WFDC2: variants seen among roughly 807,000 people sequenced by gnomAD.
WFDC2 encodes WAP four-disulfide core domain 2, also known as WAP four-disulfide core domain protein 2.
In WFDC2, 8 loss-of-function variants were observed where a neutral mutation model predicts 12.5. That is an observed-to-expected ratio of 0.64 (90% CI 0.37 to 1.15). The LOEUF is 1.15. Ranked by LOEUF, WFDC2 falls within the 50% of genes most tolerant of loss-of-function variation. WFDC2 has a pLI of 0.01. For synonymous variants in WFDC2, 74 were observed against 67.2 expected (o/e 1.10, Z -0.49); for missense variants, 166 against 159.9 (o/e 1.04, Z -0.21).
intron 2 of WFDC2, among the ~76,000 whole-genome samples, chr20:45,471,603 C>T (rs1600846365): frequency 6.6e-6 from 1 of 152,262 alleles, no homozygotes; most frequent in East Asian, 1.9e-4. Flanking sequence ...GGTCATGAGT[C>T]CCCTCCTCTG....
intron 2 of WFDC2, among the ~76,000 whole-genome samples, chr20:45,478,737 TGCCTCA>T (rs2145506602): frequency 6.6e-6 from 1 of 152,244 alleles, no homozygotes; most frequent in South Asian, 2.1e-4. Flanking sequence ...GCGATTCTCC[TGCCTCA>T]GCCTCCCAAG....
At chr20:45,469,883 C>A (rs957265455) in intron 1 of WFDC2, 23 bp downstream of exon 1, 1 of 1,585,940 alleles carries the variant, frequency 6.3e-7, no homozygotes, top group Non-Finnish European at 8.6e-7. Flanking sequence ...GGGAGAGGCC[C>A]GGCGCCTAGA....
At chr20:45,471,852 T>C (rs1394010763) in intron 2 of WFDC2, among the ~76,000 whole-genome samples, 1 of 139,596 alleles carries the variant, frequency 7.2e-6, no homozygotes, top group Non-Finnish European at 1.5e-5. Context: ...TCTAGTTATG[T>C]GATCCTGAGC....
chr20:45,479,286 A>G (rs1991271388), intron 2 of WFDC2, among the ~76,000 whole-genome samples: 1 of 152,232 alleles, frequency 6.6e-6, no homozygotes, highest in Non-Finnish European at 1.5e-5. Flanking sequence ...GTGGCAGCAT[A>G]GTGCTTAACC....
chr20:45,480,011 A>C lies in WFDC2; in HGVS notation c.293A>C (p.Gln98Pro). 6.2e-7 allele frequency: 1 copy of C among 1,614,226 alleles called. No individual in the cohort carries two copies. Among genetic ancestry groups the C allele is most frequent in the African/African-American group, 1.3e-5 (1 of 75,074 alleles). ...PQLGLCRDQCQVDSQCPGQMK... is the reference protein window; with the variant it reads ...PQLGLCRDQCPVDSQCPGQMK... ...CTCGGCCTCTGTCGGGACCAGTGCC[A>C]GGTGGACAGCCAGTGTCCTGGCCAG... is the stretch of plus-strand genomic sequence containing the variant. The change falls in exon 3 of 4, where the codon CAG (glutamine) becomes CCG (proline). Residue 98 changes from glutamine to proline, a missense_variant. Transcript: ENST00000372676.
In WFDC2 at chr20:45,470,407, C is replaced by A; in HGVS notation, c.98C>A (p.Thr33Asn). Residue 33 changes from threonine to asparagine, a missense_variant, in exon 2 of 4, where the codon ACT becomes AAT. Thr to Asn is a moderately conservative substitution (Grantham distance 65). Coordinates refer to ENST00000372676, the MANE Select transcript of WFDC2 (RefSeq NM_006103.4). The surrounding 1 kb of genome is among the most constrained non-coding windows in gnomAD (Gnocchi z 5.4). Reference protein sequence around the residue: ...TLVSGTGAEKTGVCPELQADQ... With the variant: ...TLVSGTGAEKNGVCPELQADQ... ...CTCCCAGGCACAGGAGCAGAGAAGA[C>A]TGGCGTGTGCCCCGAGCTCCAGGCT... 2 of 1,589,780 alleles carry A rather than the reference C, an allele frequency of 1.3e-6. No homozygotes were observed. The highest frequency in any genetic ancestry group is 1.7e-6 in the Non-Finnish European group (2 of 1,167,266).
chr20:45,479,976 C>A lies in WFDC2; in HGVS notation c.258C>A (p.Asn86Lys), dbSNP rs774132603. 6.2e-7 allele frequency: 1 copy of A among 1,614,254 alleles called. No homozygotes were observed. Among genetic ancestry groups the A allele is most frequent in the South Asian group, 1.1e-5 (1 of 91,086 alleles). Residue 86 changes from asparagine to lysine, a missense_variant, in exon 3 of 4, where the codon AAC becomes AAA. By Grantham distance (94) the Asn-to-Lys change is moderately conservative (BLOSUM62 0). Transcript: ENST00000372676. ...KEGSCPQVNI[N>K]FPQLGLCRDQ... is the part of the protein sequence containing the mutation. ...GTTCCTGCCCCCAGGTGAACATTAA[C>A]TTTCCCCAGCTCGGCCTCTGTCGGG...
intron 2 of WFDC2, among the ~76,000 whole-genome samples, chr20:45,471,923 T>C (rs1991177636): frequency 6.6e-6 from 1 of 152,176 alleles, no homozygotes; most frequent in African/African-American, 2.4e-5. Context: ...CTCTATAGGA[T>C]TGGCATGAGG....
rs759119210 is a variant in WFDC2, at chr20:45,470,521, C to G, written c.212C>G (p.Ser71Cys). 4.4e-6 allele frequency: 7 copies of G among 1,597,728 alleles called. No individual in the cohort carries two copies. Among genetic ancestry groups the G allele is most frequent in the East Asian group, 2.2e-5 (1 of 44,490 alleles). Reference protein sequence around the residue: ...CCSAGCATFCSLPNDKEGSCP... With the variant: ...CCSAGCATFCCLPNDKEGSCP... ...AGCGCGGGCTGTGCCACCTTCTGCT[C>G]TCTGCCCAATGGTAACCCCACGGCG... Residue 71 changes from serine to cysteine, a missense_variant, in exon 2 of 4, where the codon TCT (serine) becomes TGT (cysteine). Ser to Cys is a moderately radical substitution (Grantham distance 112, BLOSUM62 -1). Transcript: ENST00000372676. The surrounding 1 kb of genome is among the most constrained non-coding windows in gnomAD (Gnocchi z 5.4).
chr20:45,469,887 G>T (rs775815158), intron 1 of WFDC2, 27 bp downstream of exon 1: 1 of 1,573,754 alleles, frequency 6.4e-7, no homozygotes, highest in Non-Finnish European at 8.6e-7. Flanking sequence ...GAGGCCCGGC[G>T]CCTAGAGGGG....
Position 45,470,361 on chromosome 20 carries a change from C to T in WFDC2, c.80-28C>T, listed in dbSNP as rs1991151368. On this transcript the variant is annotated intron_variant, in intron 1 of 3. Transcript: ENST00000372676. This position sits in a 1 kb window ranked among gnomAD's most constrained non-coding sequence, Gnocchi z 5.4. ...TCTGGGGCTGGCGCTACGCCCCACC[C>T]TCGACTGTCCCGGGCCTCCCCTCCC... The T allele has an allele frequency of 6.4e-7, 1 of 1,562,564 alleles. No individual in the cohort carries two copies. The highest frequency in any genetic ancestry group is 8.7e-7 in the Non-Finnish European group (1 of 1,152,258).
At chr20:45,477,997 G>A (rs1991254768) in intron 2 of WFDC2, among the ~76,000 whole-genome samples, 1 of 152,156 alleles carries the variant, frequency 6.6e-6, no homozygotes, top group Admixed American at 6.5e-5. Context: ...CAGTAATGGT[G>A]GACGCCCCTC....
In WFDC2 at chr20:45,470,262, G is replaced by C. The variant is rs920878996; in HGVS notation, c.80-127G>C. ...GGTCTGGAAGAAGGAGTCTCTGGGG[G>C]CTGTAAGGGGACTCCTAGGGCCAGA... is the stretch of plus-strand genomic sequence containing the variant. On this transcript the variant is annotated intron_variant, in intron 1 of 3. Transcript: ENST00000372676. This position sits in a 1 kb window ranked among gnomAD's most constrained non-coding sequence, Gnocchi z 5.4. 2 of 1,308,784 alleles carry C rather than the reference G, an allele frequency of 1.5e-6. No homozygotes were observed. Among genetic ancestry groups the C allele is most frequent in the African/African-American group, 3.0e-5 (2 of 67,288 alleles). The allele number at this position is 1,308,784 out of a possible 1,614,324, so 81.1% of individuals were successfully genotyped here.
intron 2 of WFDC2, 107 bp from the exon 3 acceptor site, chr20:45,479,835 C>T (rs41280266): frequency 0.014 from 22,969 of 1,613,762 alleles, 192 homozygotes; most frequent in Middle Eastern, 0.021. Flanking sequence ...GGCAGCTCTG[C>T]TGTATGTGAA....
At position 45,481,451 on chromosome 20, in the gene WFDC2, C is replaced by CCCTTTTTCG. The variant is rs1303554765; in HGVS notation, c.*83_*91dup. 2 of 152,442 alleles carry CCCTTTTTCG rather than the reference C, an allele frequency of 1.3e-5. No homozygotes were observed. Among genetic ancestry groups the CCCTTTTTCG allele is most frequent in the African/African-American group, 4.8e-5 (2 of 41,472 alleles). The allele number at this position is 152,442 out of a possible 1,614,324, so 9.4% of individuals were successfully genotyped here. A position where few individuals can be genotyped will look rare whatever the true frequency, so the allele number is the denominator to read the frequency against. On this transcript the variant is annotated 3_prime_UTR_variant, in exon 4 of 4. Coordinates refer to ENST00000372676, the MANE Select transcript of WFDC2 (RefSeq NM_006103.4). ...ATCTGGTTCCAGCCCACCTGCCCTC[C>CCCTTTTTCG]CCTTTTTCGGGACTCTGTATTCCCT...
In WFDC2 at chr20:45,479,864, G is replaced by C. The variant is rs199863173; in HGVS notation, c.224-78G>C. ...ATGTGAAGCCCAGTGAGGGGCAGTG[G>C]GGGGGCCATGCTGCAGGTACAAGTT... On this transcript the variant is annotated intron_variant, in intron 2 of 3. Transcript: ENST00000372676. 9 of 1,614,104 alleles carry C rather than the reference G, an allele frequency of 5.6e-6. No individual in the cohort carries two copies. The South Asian group carries it at 9.9e-5, about 18-fold the overall frequency.
intron 2 of WFDC2, among the ~76,000 whole-genome samples, chr20:45,478,836 C>A (rs555696716): frequency 6.6e-6 from 1 of 152,220 alleles, no homozygotes; most frequent in Middle Eastern, 3.4e-3. Flanking sequence ...GAGTCCTGAC[C>A]TCCGATGATC....
At position 45,470,926 on chromosome 20, in the gene WFDC2, G is replaced by T. The variant is rs1247326399; in HGVS notation, c.223+394G>T. On this transcript the variant is annotated intron_variant, in intron 2 of 3. Transcript: ENST00000372676. This position sits in a 1 kb window ranked among gnomAD's most constrained non-coding sequence, Gnocchi z 5.4. ...CCTCTCCTCTTGGAGTCCCTCCCTG[G>T]GGGCCTCCCCCAGCCCTGGGGAAAG... is the stretch of plus-strand genomic sequence containing the variant. Among the ~76,000 whole-genome samples, 7 of 152,140 alleles carry T rather than the reference G, an allele frequency of 4.6e-5. No homozygotes were observed.
At position 45,470,272 on chromosome 20, in the gene WFDC2, G is replaced by A. The variant is rs984048181; in HGVS notation, c.80-117G>A. The A allele has an allele frequency of 2.2e-6, 3 of 1,382,604 alleles. No homozygotes were observed. The highest frequency in any genetic ancestry group is 2.9e-6 in the Non-Finnish European group (3 of 1,043,838). 85.6% of individuals were successfully genotyped at this position (1,382,604 alleles called of 1,614,324 possible). ...AAGGAGTCTCTGGGGGCTGTAAGGG[G>A]ACTCCTAGGGCCAGAGACTGAGAAT... On this transcript the variant is annotated intron_variant, in intron 1 of 3. Transcript: ENST00000372676. The surrounding 1 kb of genome is among the most constrained non-coding windows in gnomAD (Gnocchi z 5.4).
Sources: gnomAD v4.1 joint callset for allele counts (sites outside exome capture counted in the v4.1 genomes callset) on GRCh38, gnomAD v4.1.1 for gene constraint, Gnocchi (gnomAD v3.1) non-coding constraint, MANE v1.5 for transcripts, NCBI Gene and HGNC (gene_info 2026-07-23, HGNC 2026-07-21) for gene names.